Variants in C4orf36 observed in about 807,000 individuals in gnomAD.
C4orf36 encodes chromosome 4 open reading frame 36, also known as uncharacterized protein C4orf36.
In C4orf36, 11 loss-of-function variants were observed where a neutral mutation model predicts 12.2. The observed-to-expected ratio is 0.90, with a 90% CI of 0.57 to 1.49. C4orf36 has a LOEUF of 1.49. C4orf36 is among the 40% of genes most tolerant of loss of function. The pLI is 0.00. For missense variants in C4orf36, 137 were observed against 133.9 expected (o/e 1.02, Z -0.11); for synonymous variants, 54 against 51.3 (o/e 1.05, Z -0.22).
chr4:86,891,570 C>G lies in C4orf36; in HGVS notation c.-50G>C. On this transcript the variant is annotated 5_prime_UTR_variant, in exon 2 of 5. Transcript: ENST00000295898. ...GTTACATAGGTGCCTGATGGAATGT[C>G]ACAGATAACTCTGTTCACTTTACCT... 6.2e-7 allele frequency: 1 copy of G among 1,613,464 alleles called. No individual in the cohort carries two copies. The highest frequency in any genetic ancestry group is 8.5e-7 in the Non-Finnish European group (1 of 1,179,792).
At chr4:86,914,295 C>CGGTCG in the C4orf36 span, 17 of 1,573,656 alleles carry the variant, frequency 1.1e-5, no homozygotes, top group South Asian at 1.9e-4. Context: ...AGTGACGATG[C>CGGTCG]GGTCGCTCTT....
At chr4:86,893,635 T>C (rs1747513944), upstream of C4orf36, among the ~76,000 whole-genome samples, 1 of 151,746 alleles carries the variant, frequency 6.6e-6, no homozygotes, top group Non-Finnish European at 1.5e-5. Flanking sequence ...AAGCAACTTC[T>C]GATCCTTCTG....
chr4:86,882,949 C>T (rs935517088), intron 4 of C4orf36, among the ~76,000 whole-genome samples: 3 of 152,200 alleles, frequency 2.0e-5, no homozygotes, highest in Non-Finnish European at 4.4e-5. Flanking sequence ...ACTTCAGAGA[C>T]TCTCTTCCCA....
chr4:86,910,467 T>G, the C4orf36 span, among the ~76,000 whole-genome samples: 1 of 152,150 alleles, frequency 6.6e-6, no homozygotes, highest in African/African-American at 2.4e-5. Flanking sequence ...ATATAAAAAG[T>G]AACAATCTTT....
chr4:86,902,455 GAAAA>G, the C4orf36 span, among the ~76,000 whole-genome samples: 4 of 129,844 alleles, frequency 3.1e-5, no homozygotes, highest in South Asian at 2.5e-4. Flanking sequence ...AAGAAAGAAA[GAAAA>G]AAAAGGGAAT....
At chr4:86,913,662 A>G in the C4orf36 span, 2 of 1,597,898 alleles carry the variant, frequency 1.3e-6, no homozygotes, top group Non-Finnish European at 1.7e-6. Flanking sequence ...GGCATCAGCA[A>G]CAGACATGGT....
chr4:86,914,450 G>A, the C4orf36 span: 11 of 611,368 alleles, frequency 1.8e-5, no homozygotes, highest in Non-Finnish European at 3.0e-5. Context: ...GCCCAGGCTG[G>A]AGTGCAGTGG....
rs1173581514 is a variant in C4orf36, at chr4:86,876,326, G to A, written c.*120C>T. The A allele has an allele frequency of 9.4e-6, 14 of 1,494,780 alleles. No individual in the cohort carries two copies. The highest frequency in any genetic ancestry group is 1.2e-5 in the Non-Finnish European group (14 of 1,120,178). 92.6% of individuals were successfully genotyped at this position (1,494,780 alleles called of 1,614,324 possible). ...TGGGAGGCTTCCTGAGGTGGGGGCC[G>A]GGCCAGGATGGCTGCAGCGCAGCGA... On this transcript the variant is annotated 3_prime_UTR_variant, in exon 5 of 5. Transcript: ENST00000295898.
the C4orf36 span, among the ~76,000 whole-genome samples, chr4:86,921,418 C>T: frequency 0.011 from 1,720 of 152,214 alleles, 32 homozygotes; most frequent in African/African-American, 0.039. Context: ...ACCATGGTCT[C>T]GTCATCAGTT....
the C4orf36 span, among the ~76,000 whole-genome samples, chr4:86,902,418 C>CAAAAAAAAAAA: frequency 6.6e-4 from 39 of 58,916 alleles, no homozygotes; most frequent in Non-Finnish European, 9.1e-4. Flanking sequence ...ATGAGACTCT[C>CAAAAAAAAAAA]AAAAAAAAAA....
chr4:86,927,512 G>A, the C4orf36 span, among the ~76,000 whole-genome samples: 1 of 151,706 alleles, frequency 6.6e-6, no homozygotes. Flanking sequence ...AAATATTCTG[G>A]GGCCAGGCAT....
chr4:86,890,649 G>C (rs1175377718), intron 2 of C4orf36, among the ~76,000 whole-genome samples: 3 of 152,108 alleles, frequency 2.0e-5, no homozygotes, highest in African/African-American at 4.8e-5. Context: ...ATCCCGTAGG[G>C]AATCCTCATT....
At position 86,876,361 on chromosome 4, in the gene C4orf36, C is replaced by T. The variant is rs1467327846; in HGVS notation, c.*85G>A. 1.3e-5 allele frequency: 20 copies of T among 1,581,944 alleles called. No homozygotes were observed. The highest frequency in any genetic ancestry group is 1.5e-5 in the Non-Finnish European group (18 of 1,165,968). On this transcript the variant is annotated 3_prime_UTR_variant, in exon 5 of 5. Coordinates refer to ENST00000295898, the MANE Select transcript of C4orf36 (RefSeq NM_144645.4). ...GGCTGCAGCGCAGCGACGGCCGGGGCCGGGAGCGGGTCCTGGGCGGCCCAG... is the reference window on the plus strand; with the variant it reads ...GGCTGCAGCGCAGCGACGGCCGGGGTCGGGAGCGGGTCCTGGGCGGCCCAG...
chr4:86,924,045 CTCTTT>C, the C4orf36 span, among the ~76,000 whole-genome samples: 1 of 152,214 alleles, frequency 6.6e-6, no homozygotes, highest in Non-Finnish European at 1.5e-5. Flanking sequence ...TGCTCCCTCT[CTCTTT>C]TTTCTTTTGA....
chr4:86,889,904 A>G lies in C4orf36; in HGVS notation c.65+1552T>C, dbSNP rs76427143. On this transcript the variant is annotated intron_variant, in intron 2 of 4. Transcript: ENST00000295898. ...TGATACCCTGTCTTGATAAAAAATAAAGATCTCCAGCCGGGCATGGTGGCT... is the reference window on the plus strand; with the variant it reads ...TGATACCCTGTCTTGATAAAAAATAGAGATCTCCAGCCGGGCATGGTGGCT... 526 of 367,636 alleles carry G rather than the reference A, an allele frequency of 1.4e-3. 6 individuals are homozygous for G. The highest frequency in any genetic ancestry group is 0.01 in the African/African-American group (486 of 46,952). 22.8% of individuals were successfully genotyped at this position (367,636 alleles called of 1,614,324 possible).
the C4orf36 span, among the ~76,000 whole-genome samples, chr4:86,907,033 C>T: frequency 3.1e-4 from 36 of 117,886 alleles, no homozygotes; most frequent in African/African-American, 9.4e-4. Flanking sequence ...GAGCAAGACT[C>T]CATCTCAAAA....
At chr4:86,901,310 A>C in the C4orf36 span, among the ~76,000 whole-genome samples, 2 of 151,920 alleles carry the variant, frequency 1.3e-5, no homozygotes, top group Non-Finnish European at 2.9e-5. Context: ...CAGAGAAAAC[A>C]ACCGAAGTCC....
chr4:86,895,318 A>T (rs1297698212), upstream of C4orf36, among the ~76,000 whole-genome samples: 1 of 148,550 alleles, frequency 6.7e-6, no homozygotes, highest in Non-Finnish European at 1.5e-5. Context: ...TGTCTCAATT[A>T]AAAAAAAAAA....
At chr4:86,891,243 T>C (rs918096202) in intron 2 of C4orf36, among the ~76,000 whole-genome samples, 1 of 148,226 alleles carries the variant, frequency 6.7e-6, no homozygotes, top group African/African-American at 2.5e-5. Flanking sequence ...CACTTGAAAG[T>C]GTTGTGTTGT....
Sources: allele counts gnomAD v4.1 joint callset (sites outside exome capture counted in the v4.1 genomes callset), GRCh38; gene constraint gnomAD v4.1.1; transcripts MANE v1.5; gene names NCBI Gene and HGNC (gene_info 2026-07-23, HGNC 2026-07-21).